The following PDE1C variants were observed in gnomAD, a reference collection of about 807,000 sequenced individuals.
The protein encoded by PDE1C is dual specificity calcium/calmodulin-dependent 3',5'-cyclic nucleotide phosphodiesterase 1C.
Under a neutral mutation model 93.1 loss-of-function variants are expected in PDE1C, and 62 were observed. The ratio of observed to expected loss-of-function variants is 0.67; its 90% CI spans 0.54 to 0.82. The LOEUF is 0.82. Among genes scored for constraint, PDE1C ranks in the 40% least tolerant of loss-of-function variants. The probability of loss-of-function intolerance (pLI) is 0.00; values close to 1 mark genes in which losing one functional copy is unlikely to be tolerated. For synonymous variants in PDE1C, 325 were observed against 310.1 expected, an observed-to-expected ratio of 1.05 and a Z score of -0.50; for missense variants, 742 against 884.6, an observed-to-expected ratio of 0.84 and a Z score of 2.04.
At chr7:32,364,942 C>T (rs1031693354) in intron 1 of PDE1C, among the ~76,000 whole-genome samples, 1 of 152,222 alleles carries the variant, frequency 6.6e-6, no homozygotes, top group South Asian at 2.1e-4. Context: ...AGGAACAGTC[C>T]GGCAGAACCT....
At chr7:31,679,779 C>A in the PDE1C span, among the ~76,000 whole-genome samples, 1 of 152,170 alleles carries the variant, frequency 6.6e-6, no homozygotes, top group Admixed American at 6.5e-5. Context: ...TTTCCTCCAA[C>A]AAGGCAGCCT....
chr7:31,648,443 T>G, the PDE1C span, among the ~76,000 whole-genome samples: 1 of 152,176 alleles, frequency 6.6e-6, no homozygotes, highest in Non-Finnish European at 1.5e-5. Context: ...TCTATACTTA[T>G]TCTAGGGCTA....
chr7:32,164,368 C>T (rs1207530520), intron 3 of PDE1C, among the ~76,000 whole-genome samples: 3 of 152,188 alleles, frequency 2.0e-5, no homozygotes, highest in Admixed American at 6.5e-5. Context: ...CAAAATATAA[C>T]TCAAACTATA....
At chr7:32,183,672 A>G (rs1035085185) in intron 2 of PDE1C, among the ~76,000 whole-genome samples, 6 of 152,208 alleles carry the variant, frequency 3.9e-5, no homozygotes, top group African/African-American at 1.2e-4. Context: ...AAAGACTTAA[A>G]CGTTAGACCT....
At chr7:32,227,705 C>G (rs959006163) in intron 1 of PDE1C, among the ~76,000 whole-genome samples, 2 of 152,144 alleles carry the variant, frequency 1.3e-5, no homozygotes, top group Non-Finnish European at 2.9e-5. Flanking sequence ...CCAATGTCAC[C>G]AACAAAATAC....
intron 1 of PDE1C, among the ~76,000 whole-genome samples, chr7:32,402,008 AC>A (rs1172261056): frequency 1.3e-5 from 2 of 152,188 alleles, no homozygotes; most frequent in African/African-American, 4.8e-5. Flanking sequence ...TCTGCTAAAC[AC>A]TTTTATATAC....
intron 1 of PDE1C, among the ~76,000 whole-genome samples, chr7:32,304,860 T>C (rs756036651): frequency 1.1e-4 from 17 of 152,182 alleles, no homozygotes; most frequent in South Asian, 4.1e-4. Context: ...ATATATATTA[T>C]TATAACATGA....
intron 3 of PDE1C, among the ~76,000 whole-genome samples, chr7:32,168,587 T>G (rs1802449639): frequency 6.6e-6 from 1 of 152,228 alleles, no homozygotes; most frequent in Admixed American, 6.5e-5. Flanking sequence ...AGTCACTTGC[T>G]GAGAATTGCA....
Position 32,014,889 on chromosome 7 carries a change from C to G in PDE1C, c.128+36665G>C, listed in dbSNP as rs138228596. On this transcript the variant is annotated intron_variant, in intron 2 of 17. Transcript: ENST00000396191. ...GATATGGTTAGGCTTTGTGCCCCCA[C>G]CCAAATCTCATCTTGATTTATAATC... Among the ~76,000 whole-genome samples the G allele has an allele frequency of 2.6e-3, 396 of 152,280 alleles. 1 individual carries two copies. Among genetic ancestry groups the G allele is most frequent in the African/African-American group, 9.3e-3 (386 of 41,568 alleles).
At chr7:31,768,942 C>T (rs1044069460) in intron 17 of PDE1C, among the ~76,000 whole-genome samples, 1 of 152,050 alleles carries the variant, frequency 6.6e-6, no homozygotes, top group African/African-American at 2.4e-5. Context: ...ACCACAGGCA[C>T]GTGCCACCAC....
At chr7:31,886,845 G>GAATAGATCTATTCAGAATA (rs1562972565) in intron 2 of PDE1C, among the ~76,000 whole-genome samples, 5 of 38,412 alleles carry the variant, frequency 1.3e-4, no homozygotes, top group South Asian at 8.5e-4. Flanking sequence ...AGATCTTTTC[G>GAATAGATCTATTCAGAATA]GATCTTTTCA....
chr7:31,859,988 G>C (rs1204444578), intron 7 of PDE1C, among the ~76,000 whole-genome samples: 1 of 152,076 alleles, frequency 6.6e-6, no homozygotes. Flanking sequence ...CTCCGTAATT[G>C]TTCACTATGG....
chr7:31,913,995 C>A (rs890390513), intron 2 of PDE1C, among the ~76,000 whole-genome samples: 4 of 152,186 alleles, frequency 2.6e-5, no homozygotes, highest in Non-Finnish European at 4.4e-5. Context: ...CAATTATCCT[C>A]ATTCCTGCTC....
rs144853377 is a variant in PDE1C, at chr7:31,816,060, G to A, written c.1677C>T (p.Gly559=). 5,222 of 1,613,856 alleles carry A rather than the reference G, an allele frequency of 3.2e-3. 12 individuals carry two copies. Among genetic ancestry groups the A allele is most frequent in the Non-Finnish European group, 4.0e-3 (4,736 of 1,179,906 alleles). The change falls in exon 15 of 18, where the codon GGC becomes GGT. Residue 559 remains glycine, a synonymous_variant. Transcript: ENST00000396191. Reference sequence around the variant, plus strand: ...TCTTTTTCTCAGCTTTGCCAGATGCGCCTTCTTCAGCCTGGCTTTTGGCTT... The same window carrying A: ...TCTTTTTCTCAGCTTTGCCAGATGCACCTTCTTCAGCCTGGCTTTTGGCTT... ...EMEAKSQAEE[G]ASGKAEKKTS...
At chr7:31,937,625 G>A (rs184105117) in intron 2 of PDE1C, among the ~76,000 whole-genome samples, 182 of 152,238 alleles carry the variant, frequency 1.2e-3, no homozygotes, top group African/African-American at 4.2e-3. Flanking sequence ...ACAGTTCCAC[G>A]AATGAAGGAA....
At position 32,308,231 on chromosome 7, in the gene PDE1C, G is replaced by A. The variant is rs528416943; in HGVS notation, c.311-98692C>T. Among the ~76,000 whole-genome samples the A allele has an allele frequency of 2.0e-4, 30 of 152,320 alleles. No homozygotes were observed. In the Middle Eastern group the frequency reaches 0.02, roughly 104 times the overall value. On this transcript the variant is annotated intron_variant, in intron 1 of 1. Coordinates refer to the PDE1C transcript ENST00000672256. ...GCTTGATTAGGTAAACAAAGCAGCC[G>A]GGAAGCTCAAACTGGGTGGAGCCCA...
At chr7:31,675,328 G>C in the PDE1C span, among the ~76,000 whole-genome samples, 1 of 152,050 alleles carries the variant, frequency 6.6e-6, no homozygotes, top group African/African-American at 2.4e-5. Context: ...CATGATTTCT[G>C]GGAGTCACTT....
At chr7:32,070,541 G>C, upstream of PDE1C, 1 of 1,473,834 alleles carries the variant, frequency 6.8e-7, no homozygotes. Context: ...TGCGCCCCCA[G>C]ACTCCGACTT....
intron 16 of PDE1C, among the ~76,000 whole-genome samples, chr7:31,781,316 A>T (rs1783394622): frequency 6.6e-6 from 1 of 152,254 alleles, no homozygotes; most frequent in Admixed American, 6.5e-5. Context: ...CATCATCATT[A>T]TTAATGGTCT....
Sources: allele counts gnomAD v4.1 joint callset (sites outside exome capture counted in the v4.1 genomes callset), GRCh38; gene constraint gnomAD v4.1.1; transcripts MANE v1.5; gene names NCBI Gene and HGNC (gene_info 2026-07-23, HGNC 2026-07-21).